SPAG17: variants seen among roughly 807,000 people sequenced by gnomAD.
SPAG17 encodes sperm associated antigen 17, also known as sperm-associated antigen 17.
In SPAG17, 169 loss-of-function variants were observed where a neutral mutation model predicts 273.6. The observed-to-expected ratio is 0.62, with a 90% CI of 0.55 to 0.70. SPAG17 has a LOEUF of 0.70. Ranked by LOEUF, SPAG17 falls within the 30% of genes least tolerant of loss-of-function variation. SPAG17 has a pLI of 0.00. For missense variants in SPAG17, 2,557 were observed against 2,627.8 expected (o/e 0.97, Z 0.59); for synonymous variants, 825 against 873.2 (o/e 0.94, Z 0.97).
chr1:118,004,127 T>G (rs1571211637), intron 32 of SPAG17, among the ~76,000 whole-genome samples: 1 of 152,318 alleles, frequency 6.6e-6, no homozygotes, highest in South Asian at 2.1e-4. Flanking sequence ...TAGTGGAGGC[T>G]GCAGAACAAC....
In SPAG17 at chr1:118,069,344, C is replaced by CAAAAA. The variant is rs563980015; in HGVS notation, c.2386-2450_2386-2446dup. 2.7e-4 allele frequency among the ~76,000 whole-genome samples: 23 copies of CAAAAA among 86,152 alleles called. 1 individual carries two copies. Among genetic ancestry groups the CAAAAA allele is most frequent in the African/African-American group, 1.0e-3 (20 of 20,046 alleles). The allele number at this position is 86,152 out of a possible 152,430, so 56.5% of individuals were successfully genotyped here. A position where few individuals can be genotyped will look rare whatever the true frequency, so the allele number is the denominator to read the frequency against. ...TAAGCGACAGAGTGAGACTCCGTCT[C>CAAAAA]AAAAAAAAAAAAAAGTGGTGGTAGC... On this transcript the variant is annotated intron_variant, in intron 17 of 48. Coordinates refer to ENST00000336338, the MANE Select transcript of SPAG17 (RefSeq NM_206996.4).
intron 3 of SPAG17, among the ~76,000 whole-genome samples, chr1:118,123,112 C>T (rs1036844765): frequency 1.3e-5 from 2 of 152,202 alleles, no homozygotes; most frequent in Non-Finnish European, 2.9e-5. Context: ...TTAATTTCTT[C>T]TCAAATGTGA....
chr1:117,998,540 C>CTT (rs77739889), intron 32 of SPAG17, among the ~76,000 whole-genome samples: 1 of 151,850 alleles, frequency 6.6e-6, no homozygotes, highest in Non-Finnish European at 1.5e-5. Flanking sequence ...TATTTGGGCT[C>CTT]TTTTTTTGGT....
At chr1:118,150,929 T>G (rs778727481) in intron 2 of SPAG17, among the ~76,000 whole-genome samples, 1 of 152,190 alleles carries the variant, frequency 6.6e-6, no homozygotes. Flanking sequence ...TTAAATAGTC[T>G]AGTCTTTTAT....
At chr1:118,066,360 T>A (rs1342332926) in intron 18 of SPAG17, among the ~76,000 whole-genome samples, 1 of 152,102 alleles carries the variant, frequency 6.6e-6, no homozygotes, top group East Asian at 1.9e-4. Context: ...CTGACCTATT[T>A]TTGAATGTTC....
chr1:118,124,200 T>C (rs1206554525), intron 3 of SPAG17, among the ~76,000 whole-genome samples: 2 of 152,236 alleles, frequency 1.3e-5, no homozygotes, highest in Non-Finnish European at 2.9e-5. Context: ...ATCATGGCAA[T>C]GTTTTGTTTT....
At chr1:117,959,261 A>AT (rs757829055) in intron 48 of SPAG17, 134 of 1,593,466 alleles carry the variant, frequency 8.4e-5, no homozygotes, top group Non-Finnish European at 1.1e-4. Context: ...GTGGGAGAAA[A>AT]TTTTTTAATA....
chr1:118,086,742 T>C lies in SPAG17; in HGVS notation c.1540A>G (p.Lys514Glu), dbSNP rs1268744337. The C allele has an allele frequency of 1.2e-6, 2 of 1,614,086 alleles. No individual in the cohort carries two copies. The highest frequency in any genetic ancestry group is 1.7e-6 in the Non-Finnish European group (2 of 1,180,034). ...AGGAGGGGGCCTTTGGGCACTGCTT[T>C]GCTTTCATTTTCTTCTTCAGATAAA... is the stretch of plus-strand genomic sequence containing the variant. ...IFLSEEENES[K>E]AVPKGPLLLN... Residue 514 changes from lysine to glutamate, a missense_variant, in exon 12 of 49, where the codon AAA becomes GAA. Physicochemically the swap from Lys to Glu is moderately conservative, Grantham distance 56. Coordinates refer to ENST00000336338, the MANE Select transcript of SPAG17 (RefSeq NM_206996.4).
intron 17 of SPAG17, among the ~76,000 whole-genome samples, chr1:118,072,846 G>T (rs1653738460): frequency 6.6e-6 from 1 of 151,988 alleles, no homozygotes; most frequent in South Asian, 2.1e-4. Context: ...GTTGGATGGG[G>T]GTGGGCAAAG....
intron 48 of SPAG17, chr1:117,957,305 G>A (rs78312756): frequency 0.016 from 20,994 of 1,352,200 alleles, 627 homozygotes; most frequent in South Asian, 0.11. Context: ...TGCCGAACTC[G>A]GTGGCTCACA....
At chr1:118,058,801 C>T (rs539507644) in intron 18 of SPAG17, among the ~76,000 whole-genome samples, 6 of 152,082 alleles carry the variant, frequency 3.9e-5, no homozygotes, top group African/African-American at 1.2e-4. Flanking sequence ...TAAAGAAAGA[C>T]CATCTAAAAA....
chr1:118,087,070 C>A, intron 10 of SPAG17, 62 bp from the exon 11 acceptor site: 1 of 1,492,930 alleles, frequency 6.7e-7, no homozygotes, highest in South Asian at 1.4e-5. Context: ...ATACTCACTG[C>A]TCATTGCTGC....
At chr1:117,988,043 T>A (rs1656635600) in intron 39 of SPAG17, 62 bp downstream of exon 39, 1 of 1,475,104 alleles carries the variant, frequency 6.8e-7, no homozygotes, top group Non-Finnish European at 9.2e-7. Flanking sequence ...CACCTGCATA[T>A]TCCATTTCCT....
chr1:118,142,295 G>A (rs556614395), intron 3 of SPAG17, among the ~76,000 whole-genome samples: 2 of 152,144 alleles, frequency 1.3e-5, no homozygotes, highest in South Asian at 2.1e-4. Context: ...ACAGAAAATC[G>A]AACAGTGGTC....
intron 17 of SPAG17, 148 bp downstream of exon 17, chr1:118,073,706 G>T (rs1653828953): frequency 2.0e-6 from 1 of 506,776 alleles, no homozygotes; most frequent in African/African-American, 2.0e-5. Context: ...GCTCAAGCTG[G>T]GAGTAAATTT....
chr1:118,180,461 A>G (rs969223036), intron 1 of SPAG17, among the ~76,000 whole-genome samples: 35 of 152,228 alleles, frequency 2.3e-4, no homozygotes, highest in African/African-American at 7.7e-4. Flanking sequence ...GCCAGGGCAT[A>G]GAGTTTGCTT....
chr1:118,056,371 AC>A (rs1483719025), intron 18 of SPAG17, among the ~76,000 whole-genome samples: 2 of 152,180 alleles, frequency 1.3e-5, no homozygotes, highest in Non-Finnish European at 2.9e-5. Flanking sequence ...CACTGGATTA[AC>A]TAAACCACTA....
chr1:118,026,708 G>A lies in SPAG17; in HGVS notation c.3731-1292C>T, dbSNP rs184378216. 3.7e-4 allele frequency among the ~76,000 whole-genome samples: 57 copies of A among 152,234 alleles called. 1 individual carries two copies. The East Asian group carries it at 7.7e-3, about 21-fold the overall frequency. On this transcript the variant is annotated intron_variant, in intron 26 of 48. Transcript: ENST00000336338. ...GACCATCCAGCACTAAGGACGCACA[G>A]CCAGTAAGTAAGAGAAGGAAGATTT...
intron 48 of SPAG17, among the ~76,000 whole-genome samples, chr1:117,958,424 C>A (rs747528059): frequency 6.6e-6 from 1 of 152,090 alleles, no homozygotes; most frequent in Non-Finnish European, 1.5e-5. Flanking sequence ...ATACTTATAG[C>A]GTATCAGAGG....
Sources: allele counts gnomAD v4.1 joint callset (sites outside exome capture counted in the v4.1 genomes callset), GRCh38; gene constraint gnomAD v4.1.1; transcripts MANE v1.5; gene names NCBI Gene and HGNC (gene_info 2026-07-23, HGNC 2026-07-21).